Variants in B4GALNT4 observed in about 807,000 individuals in gnomAD.
B4GALNT4 encodes beta-1,4-N-acetyl-galactosaminyltransferase 4, also known as N-acetyl-beta-glucosaminyl-glycoprotein 4-beta-N-acetylgalactosaminyltransferase 1.
A neutral mutation model predicts 110.0 loss-of-function variants in B4GALNT4; 77 were observed. That is an observed-to-expected ratio of 0.70 (90% CI 0.58 to 0.85). The LOEUF (loss-of-function observed/expected upper bound fraction) is 0.85, where lower values mean the gene tolerates loss of function less well. Ranked by LOEUF, B4GALNT4 falls within the 40% of genes least tolerant of loss-of-function variation. The probability of loss-of-function intolerance (pLI) is 0.00; values close to 1 mark genes in which losing one functional copy is unlikely to be tolerated. For missense variants in B4GALNT4, 1,575 were observed against 1,506.0 expected, an observed-to-expected ratio of 1.05 and a Z score of -0.76; for synonymous variants, 785 against 655.5, an observed-to-expected ratio of 1.20 and a Z score of -3.02.
At chr11:372,562 G>A (rs1158738734) in intron 2 of B4GALNT4, 100 bp from the exon 3 acceptor site, 1 of 1,037,526 alleles carries the variant, frequency 9.6e-7, no homozygotes, top group Non-Finnish European at 1.5e-6. Flanking sequence ...GGGCTGTGTG[G>A]ATACATGTTG....
intron 14 of B4GALNT4, among the ~76,000 whole-genome samples, chr11:378,441 C>G (rs1405152290): frequency 6.6e-6 from 1 of 152,098 alleles, no homozygotes; most frequent in African/African-American, 2.4e-5. Context: ...GGTTGTGGCC[C>G]CACCAATGCC....
chr11:372,816 C>T (rs1446008171), intron 3 of B4GALNT4, 36 bp from the exon 4 acceptor site: 22 of 1,484,462 alleles, frequency 1.5e-5, no homozygotes, highest in Admixed American at 1.0e-4. Flanking sequence ...GGGGGGGCGG[C>T]GGGCCGTGCA....
Position 375,544 on chromosome 11 carries a change from C to G in B4GALNT4, c.850+17C>G. On this transcript the variant is annotated intron_variant, in intron 9 of 19. Coordinates refer to ENST00000329962, the MANE Select transcript of B4GALNT4 (RefSeq NM_178537.5). ...TGTACACAGGTGCGAGCGGACGCCTCTGGGGATGTGGGGCTCCTCGGGATG... is the reference window on the plus strand; with the variant it reads ...TGTACACAGGTGCGAGCGGACGCCTGTGGGGATGTGGGGCTCCTCGGGATG... 1 of 1,608,946 alleles carries G rather than the reference C, an allele frequency of 6.2e-7. No homozygotes were observed. Among genetic ancestry groups the G allele is most frequent in the East Asian group, 2.2e-5 (1 of 44,862 alleles).
In B4GALNT4 at chr11:380,340, C is replaced by G. The variant is rs1846848917; in HGVS notation, c.2764C>G (p.Pro922Ala). ...CTGCGACCTGCACATCCACTTCCCA[C>G]CCAACATCCTGGACGGCATCCGCAA... is the stretch of plus-strand genomic sequence containing the variant. ...FLCDLHIHFP[P>A]NILDGIRKHC... The change falls in exon 18 of 20, where the codon CCC (proline) becomes GCC (alanine). Residue 922 changes from proline (P) to alanine (A), a missense_variant. Pro to Ala is a conservative substitution (Grantham distance 27). Transcript: ENST00000329962. 1 of 1,613,274 alleles carries G rather than the reference C, an allele frequency of 6.2e-7. No homozygotes were observed.
chr11:372,826 A>G (rs1228533351), intron 3 of B4GALNT4, 26 bp from the exon 4 acceptor site: 9 of 1,583,834 alleles, frequency 5.7e-6, no homozygotes, highest in Non-Finnish European at 7.7e-6. Context: ...CGGGCCGTGC[A>G]GAAGGTAAGG....
rs574252896 is a variant in B4GALNT4 at position 376,715 on chromosome 11, G to T, written c.1592G>T (p.Arg531Leu). 5 of 1,408,658 alleles carry T rather than the reference G, an allele frequency of 3.5e-6. No homozygotes were observed. In the East Asian group the frequency reaches 1.3e-4, roughly 36 times the overall value. 87.3% of individuals were successfully genotyped at this position (1,408,658 alleles called of 1,614,324 possible). ...CCAAAGGTGTACGTGACCAGGGTGC[G>T]GCCGGGACAGCGGGCATCCCCCCGG... ...PPPKVYVTRVRPGQRASPRAP... is the reference protein window; with the variant it reads ...PPPKVYVTRVLPGQRASPRAP... The change falls in exon 14 of 20, where the codon CGG (arginine) becomes CTG (leucine). Residue 531 changes from arginine to leucine, a missense_variant. Coordinates refer to ENST00000329962, the MANE Select transcript of B4GALNT4 (RefSeq NM_178537.5).
intron 14 of B4GALNT4, 90 bp from the exon 15 acceptor site, chr11:379,328 C>A: frequency 1.7e-5 from 23 of 1,357,366 alleles, no homozygotes; most frequent in Admixed American, 3.2e-5. Context: ...AACTCCAAGT[C>A]GGCTGAGTTT....
rs1219072624 is a variant in B4GALNT4, at chr11:372,730, T to A, written c.324T>A (p.His108Gln). 6.3e-7 allele frequency: 1 copy of A among 1,594,590 alleles called. No homozygotes were observed. Among genetic ancestry groups the A allele is most frequent in the East Asian group, 2.3e-5 (1 of 43,620 alleles). ...GGAGGCTGCCACTGAACTTCACCCATCAGACACCCCCATGGCGGGAGGAGG... is the reference window on the plus strand; with the variant it reads ...GGAGGCTGCCACTGAACTTCACCCAACAGACACCCCCATGGCGGGAGGAGG... ...GAGRLPLNFT[H>Q]QTPPWREEYK... The change falls in exon 3 of 20, where the codon CAT (histidine) becomes CAA (glutamine). Residue 108 changes from histidine (H) to glutamine (Q), a missense_variant. Coordinates refer to ENST00000329962, the MANE Select transcript of B4GALNT4 (RefSeq NM_178537.5).
In B4GALNT4 at chr11:377,088, G is replaced by T; in HGVS notation, c.1965G>T (p.Pro655=). The change falls in exon 14 of 20, where the codon CCG becomes CCT. Residue 655 remains proline, a synonymous_variant. Coordinates refer to ENST00000329962, the MANE Select transcript of B4GALNT4 (RefSeq NM_178537.5). ...AGGAAGGGGAGGACGATGGGGCCCC[G>T]GGCGACGAGGCCGCGTCGGAGGACA... ...EEEEGEDDGA[P]GDEAASEDSE... 1 of 1,451,656 alleles carries T rather than the reference G, an allele frequency of 6.9e-7. No individual in the cohort carries two copies. Among genetic ancestry groups the T allele is most frequent in the Non-Finnish European group, 9.1e-7 (1 of 1,102,504 alleles). The allele number at this position is 1,451,656 out of a possible 1,614,324, so 89.9% of individuals were successfully genotyped here. A position where few individuals can be genotyped will look rare whatever the true frequency, so the allele number is the denominator to read the frequency against.
In B4GALNT4 at chr11:374,669, G is replaced by A. The variant is rs551546350; in HGVS notation, c.784-792G>A. On this transcript the variant is annotated intron_variant, in intron 8 of 19. Transcript: ENST00000329962. ...GGGGTTGGAAATCTTAACCTGAGGC[G>A]GGGCGGGGGGGCCTCAGGGAGGGAG... 3.7e-3 allele frequency among the ~76,000 whole-genome samples: 81 copies of A among 22,100 alleles called. 3 individuals are homozygous for A. The highest frequency in any genetic ancestry group is 5.5e-3 in the Admixed American group (12 of 2,174). The allele number at this position is 22,100 out of a possible 152,430, so 14.5% of individuals were successfully genotyped here. A position where few individuals can be genotyped will look rare whatever the true frequency, so the allele number is the denominator to read the frequency against.
At position 375,941 on chromosome 11, in the gene B4GALNT4, C is replaced by A; in HGVS notation, c.1080C>A (p.Tyr360Ter). The change falls in exon 11 of 20, where the codon TAC (tyrosine) becomes TAA (stop). Residue 360 changes from tyrosine to a stop codon, truncating the protein, a stop_gained. Coordinates refer to ENST00000329962, the MANE Select transcript of B4GALNT4 (RefSeq NM_178537.5). LOFTEE classifies it high-confidence loss of function. The part of the protein sequence containing the change: ...YVVKDFPIAR[Y>*]QGLQFVYLSF... ...TCAAGGACTTCCCGATCGCCAGATA[C>A]CAGGGCCTGCAATTTGTGAGTGCGG... The A allele has an allele frequency of 6.2e-7, 1 of 1,611,832 alleles. No homozygotes were observed. The highest frequency in any genetic ancestry group is 8.5e-7 in the Non-Finnish European group (1 of 1,179,486).
intron 11 of B4GALNT4, 47 bp downstream of exon 11, chr11:376,003 C>T: frequency 6.2e-7 from 1 of 1,604,516 alleles, no homozygotes; most frequent in Non-Finnish European, 8.5e-7. Flanking sequence ...CTCCGCGGAG[C>T]CTTCTCCAGC....
intron 14 of B4GALNT4, among the ~76,000 whole-genome samples, chr11:377,603 C>T (rs894093877): frequency 1.1e-4 from 16 of 152,226 alleles, no homozygotes; most frequent in South Asian, 8.3e-4. Flanking sequence ...TACCCCACTT[C>T]TGTCATCCTG....
rs1301417766 is a variant in B4GALNT4 at position 376,354 on chromosome 11, G to A, written c.1297+3G>A. 1.1e-5 allele frequency: 18 copies of A among 1,606,700 alleles called. No homozygotes were observed. The highest frequency in any genetic ancestry group is 1.5e-5 in the Non-Finnish European group (18 of 1,177,140). ...CTTCCTCTTCCTCAACCCGGACGGT[G>A]AGTGTCCGCAGCGCCCCTGGCCCGC... On this transcript the variant is annotated splice_donor_region_variant and intron_variant, in intron 13 of 19. Transcript: ENST00000329962.
Position 375,712 on chromosome 11 carries a change from G to C in B4GALNT4, c.924G>C (p.Pro308=), listed in dbSNP as rs1286566899. The C allele has an allele frequency of 6.3e-7, 1 of 1,594,638 alleles. No homozygotes were observed. The highest frequency in any genetic ancestry group is 2.2e-5 in the East Asian group (1 of 44,664). ...CAGCCAGCCACGTGGGGGGGCGTCC[G>C]CCGCAGGAGGAGACCAGCGCAGACA... ...QSPASHVGGR[P]PQEETSADML... is the part of the protein sequence containing the mutation. Residue 308 remains proline (P), a synonymous_variant, in exon 10 of 20, where the codon CCG becomes CCC. Transcript: ENST00000329962.
Position 369,860 on chromosome 11 carries a change from G to T in B4GALNT4, c.57G>T (p.Leu19=). The T allele has an allele frequency of 1.0e-6, 1 of 997,324 alleles. No individual in the cohort carries two copies. The highest frequency in any genetic ancestry group is 9.4e-5 in the East Asian group (1 of 10,674). 61.8% of individuals were successfully genotyped at this position (997,324 alleles called of 1,614,324 possible). A position where few individuals can be genotyped will look rare whatever the true frequency, so the allele number is the denominator to read the frequency against. The change falls in exon 1 of 20, where the codon CTG becomes CTT. Residue 19 remains leucine (L), a synonymous_variant. Coordinates refer to ENST00000329962, the MANE Select transcript of B4GALNT4 (RefSeq NM_178537.5). ...AGCAGATGAAGCTGCTGCTGCTGCT[G>T]CTGCTGCTGAGCTGCGCCGCGTGGC... is the stretch of plus-strand genomic sequence containing the variant. ...IRKQMKLLLL[L]LLLSCAAWLT... is the part of the protein sequence containing the mutation.
chr11:380,061 T>C, intron 16 of B4GALNT4, 42 bp downstream of exon 16: 1 of 1,601,464 alleles, frequency 6.2e-7, no homozygotes, highest in Non-Finnish European at 8.5e-7. Flanking sequence ...CAGCGCAGCT[T>C]TCCTCCCCGG....
chr11:373,864 T>C, intron 8 of B4GALNT4, 36 bp downstream of exon 8: 5 of 1,595,100 alleles, frequency 3.1e-6, no homozygotes, highest in Non-Finnish European at 3.4e-6. Context: ...TTCTGGAGAC[T>C]CCACTCCCCC....
Position 373,433 on chromosome 11 carries a change from C to G in B4GALNT4, c.637-16C>G. ...ACCCCCCCCCCCACCACCACCCCTG[C>G]TCTATCACCCCCCAGACTGGCTCCG... On this transcript the variant is annotated splice_polypyrimidine_tract_variant and intron_variant, in intron 6 of 19. Coordinates refer to ENST00000329962, the MANE Select transcript of B4GALNT4 (RefSeq NM_178537.5). 1 of 1,411,514 alleles carries G rather than the reference C, an allele frequency of 7.1e-7. No homozygotes were observed. Among genetic ancestry groups the G allele is most frequent in the Non-Finnish European group, 9.8e-7 (1 of 1,015,632 alleles). 87.4% of individuals were successfully genotyped at this position (1,411,514 alleles called of 1,614,324 possible). A position where few individuals can be genotyped will look rare whatever the true frequency, so the allele number is the denominator to read the frequency against.
Sources: allele counts gnomAD v4.1 joint callset (sites outside exome capture counted in the v4.1 genomes callset), GRCh38; gene constraint gnomAD v4.1.1; transcripts MANE v1.5; gene names NCBI Gene and HGNC (gene_info 2026-07-23, HGNC 2026-07-21).